The following TSGA10 variants were observed in gnomAD, a reference collection of about 807,000 sequenced individuals.
TSGA10 encodes testis-specific gene 10 protein.
Under a neutral mutation model 96.6 loss-of-function variants are expected in TSGA10, and 43 were observed. That is an observed-to-expected ratio of 0.44 (90% CI 0.35 to 0.57). The LOEUF (loss-of-function observed/expected upper bound fraction) is 0.57, where lower values mean the gene tolerates loss of function less well. Among genes scored for constraint, TSGA10 ranks in the 20% least tolerant of loss-of-function variants. The pLI is 0.01. For synonymous variants in TSGA10, 229 were observed against 269.9 expected (o/e 0.85, Z 1.48); for missense variants, 703 against 834.4 (o/e 0.84, Z 1.94).
At chr2:99,019,856 C>T (rs1308090695) in intron 18 of TSGA10, among the ~76,000 whole-genome samples, 1 of 152,244 alleles carries the variant, frequency 6.6e-6, no homozygotes, top group East Asian at 1.9e-4. Flanking sequence ...GGGAAGTCTT[C>T]TGTATTTTGT....
At chr2:99,088,720 A>G (rs1018125903) in intron 10 of TSGA10, among the ~76,000 whole-genome samples, 1 of 152,234 alleles carries the variant, frequency 6.6e-6, no homozygotes, top group African/African-American at 2.4e-5. Flanking sequence ...TGCCCATAAA[A>G]GGCATATGCA....
intron 12 of TSGA10, among the ~76,000 whole-genome samples, chr2:99,074,000 CTTTTTTTTTT>C (rs1167854716): frequency 0.043 from 2,249 of 52,690 alleles, 68 homozygotes; most frequent in African/African-American, 0.16. Flanking sequence ...TGTTTCTTTT[CTTTTTTTTTT>C]TTTTTTTTTT....
chr2:99,109,303 A>G lies in TSGA10; in HGVS notation c.51+86T>C, dbSNP rs896175406. On this transcript the variant is annotated intron_variant, in intron 6 of 20. Transcript: ENST00000393483. ...AGCAATTCACAGCAAATCAAAACAA[A>G]TTATTTTCAAATTAGGTAAAACAAA... 4.1e-6 allele frequency: 6 copies of G among 1,449,818 alleles called. No individual in the cohort carries two copies. In the Admixed American group the frequency reaches 5.1e-5, roughly 12 times the overall value. The allele number at this position is 1,449,818 out of a possible 1,614,324, so 89.8% of individuals were successfully genotyped here.
intron 1 of TSGA10, among the ~76,000 whole-genome samples, chr2:99,128,041 CT>C (rs2092917676): frequency 6.6e-6 from 1 of 152,110 alleles, no homozygotes; most frequent in Non-Finnish European, 1.5e-5. Context: ...ACAATTTTTT[CT>C]TTCCTTGAAT....
In TSGA10 at chr2:99,081,396, G is replaced by T. The variant is rs775531049; in HGVS notation, c.613C>A (p.Leu205Ile). ...RQKAENNSLR[L>I]LYENTEKDLS... ...TCTTTTTCTGTGTTTTCATACAAAA[G>T]TCTGCAAATATTTTAATAATAAAAC... Residue 205 changes from leucine to isoleucine, a missense_variant and splice_region_variant, in exon 11 of 21, where the codon CTT becomes ATT. Leu to Ile is a conservative substitution (Grantham distance 5, BLOSUM62 2). Transcript: ENST00000393483. The T allele has an allele frequency of 7.2e-6, 11 of 1,533,012 alleles. No homozygotes were observed. In the Admixed American group the frequency reaches 1.6e-4, roughly 22 times the overall value. The allele number at this position is 1,533,012 out of a possible 1,614,324, so 95.0% of individuals were successfully genotyped here.
At chr2:99,018,377 T>G in intron 19 of TSGA10, 28 bp from the exon 20 acceptor site, 1 of 1,605,306 alleles carries the variant, frequency 6.2e-7, no homozygotes, top group Non-Finnish European at 8.5e-7. Context: ...TGCTTTAAAT[T>G]TTATATCCAG....
chr2:99,123,607 T>C (rs904691259), intron 2 of TSGA10, among the ~76,000 whole-genome samples: 1 of 152,220 alleles, frequency 6.6e-6, no homozygotes, highest in Non-Finnish European at 1.5e-5. Context: ...TTCACAATGT[T>C]GTACAACCAT....
At chr2:99,057,544 A>G (rs1454915337) in intron 16 of TSGA10, among the ~76,000 whole-genome samples, 2 of 152,188 alleles carry the variant, frequency 1.3e-5, no homozygotes, top group Non-Finnish European at 2.9e-5. Context: ...AAATTAACAC[A>G]AGAAGACCTA....
chr2:99,112,314 T>A (rs146993731), intron 4 of TSGA10, among the ~76,000 whole-genome samples: 1 of 152,100 alleles, frequency 6.6e-6, no homozygotes, highest in East Asian at 1.9e-4. Flanking sequence ...AGTGATTGCA[T>A]CCCTCAAAAA....
In TSGA10 at chr2:99,089,191, T is replaced by C. The variant is rs189702393; in HGVS notation, c.612-7794A>G. Among the ~76,000 whole-genome samples the C allele has an allele frequency of 2.0e-5, 3 of 152,126 alleles. No individual in the cohort carries two copies. In the East Asian group the frequency reaches 5.8e-4, roughly 29 times the overall value. ...GATTTGACCTTACCTGGAGCTGAGA[T>C]ACTTTAGAGAGCCAAGCGAAATACA... is the stretch of plus-strand genomic sequence containing the variant. On this transcript the variant is annotated intron_variant, in intron 10 of 20. Transcript: ENST00000393483.
intron 17 of TSGA10, among the ~76,000 whole-genome samples, chr2:99,027,837 T>C (rs2080769379): frequency 6.6e-6 from 1 of 152,214 alleles, no homozygotes; most frequent in South Asian, 2.1e-4. Flanking sequence ...TTTTCCTGGC[T>C]TTTTGAGGGT....
chr2:99,125,320 T>C (rs1187026398), intron 2 of TSGA10: 1 of 152,220 alleles, frequency 6.6e-6, no homozygotes, highest in Non-Finnish European at 1.5e-5. Context: ...ATTATAATAA[T>C]GCTGCTATAA....
At position 99,064,871 on chromosome 2, in the gene TSGA10, G is replaced by A; in HGVS notation, c.1404+68C>T. ...GTGTTTGTTCATACATTTAATTTAT[G>A]GAAGGCCAAACAAAACTCTTTTAAA... On this transcript the variant is annotated intron_variant, in intron 16 of 20. Transcript: ENST00000393483. 4 of 1,334,458 alleles carry A rather than the reference G, an allele frequency of 3.0e-6. No individual in the cohort carries two copies. The South Asian group carries it at 6.9e-5, about 23-fold the overall frequency. 82.7% of individuals were successfully genotyped at this position (1,334,458 alleles called of 1,614,324 possible). A position where few individuals can be genotyped will look rare whatever the true frequency, so the allele number is the denominator to read the frequency against.
chr2:99,083,636 C>A (rs2087827685), intron 10 of TSGA10, among the ~76,000 whole-genome samples: 1 of 152,134 alleles, frequency 6.6e-6, no homozygotes, highest in Non-Finnish European at 1.5e-5. Flanking sequence ...GAATGTTACT[C>A]AGCAATATTA....
chr2:99,130,430 G>T (rs551216367), intron 1 of TSGA10, among the ~76,000 whole-genome samples: 2 of 152,292 alleles, frequency 1.3e-5, no homozygotes, highest in East Asian at 3.9e-4. Context: ...CTTCTTTTGA[G>T]AAGTGTCTGT....
chr2:99,068,684 C>T (rs930762366), intron 15 of TSGA10, among the ~76,000 whole-genome samples: 1 of 152,072 alleles, frequency 6.6e-6, no homozygotes, highest in Non-Finnish European at 1.5e-5. Context: ...TCTAGAGTGG[C>T]AGAGTTGCAA....
intron 1 of TSGA10, among the ~76,000 whole-genome samples, chr2:99,150,072 G>A (rs1053142508): frequency 5.3e-5 from 8 of 152,272 alleles, no homozygotes; most frequent in Non-Finnish European, 7.4e-5. Context: ...GATTACAGGC[G>A]TGGGCCACCG....
chr2:99,138,799 T>C (rs2093420285), intron 1 of TSGA10, among the ~76,000 whole-genome samples: 2 of 152,178 alleles, frequency 1.3e-5, no homozygotes, highest in African/African-American at 4.8e-5. Flanking sequence ...TTCAGGGGAT[T>C]TAAGACTCTA....
intron 15 of TSGA10, 58 bp from the exon 16 acceptor site, chr2:99,065,182 C>T (rs1038610729): frequency 3.2e-6 from 5 of 1,539,224 alleles, no homozygotes; most frequent in East Asian, 2.3e-5. Flanking sequence ...AAAAATTAAA[C>T]ATTATTATCC....
Sources: gnomAD v4.1 joint callset for allele counts (sites outside exome capture counted in the v4.1 genomes callset) on GRCh38, gnomAD v4.1.1 for gene constraint, MANE v1.5 for transcripts, NCBI Gene and HGNC (gene_info 2026-07-23, HGNC 2026-07-21) for gene names.